The following SFXN5 variants were observed in gnomAD, a reference collection of about 807,000 sequenced individuals.
SFXN5 encodes the protein sideroflexin-5.
In SFXN5, 43 loss-of-function variants were observed where a neutral mutation model predicts 50.2. That is an observed-to-expected ratio of 0.86 (90% CI 0.67 to 1.11). The LOEUF (loss-of-function observed/expected upper bound fraction) is 1.11, where lower values mean the gene tolerates loss of function less well. Ranked by LOEUF, SFXN5 falls within the 50% of genes least tolerant of loss-of-function variation. The pLI is 0.00. For synonymous variants in SFXN5, 203 were observed against 185.8 expected, an observed-to-expected ratio of 1.09 and a Z score of -0.75; for missense variants, 463 against 454.1, an observed-to-expected ratio of 1.02 and a Z score of -0.18.
At chr2:73,004,327 A>G (rs948745059) in intron 6 of SFXN5, among the ~76,000 whole-genome samples, 1 of 148,414 alleles carries the variant, frequency 6.7e-6, no homozygotes, top group African/African-American at 2.4e-5. Flanking sequence ...ACACACACAC[A>G]CACACACACA....
intron 2 of SFXN5, chr2:73,053,251 C>T (rs1440269599): frequency 6.5e-6 from 1 of 154,116 alleles, no homozygotes; most frequent in Non-Finnish European, 1.5e-5. Context: ...ATTTTGCTGA[C>T]AACTTCCCAG....
chr2:72,978,769 G>A (rs750479732), intron 10 of SFXN5, among the ~76,000 whole-genome samples: 18 of 151,986 alleles, frequency 1.2e-4, no homozygotes, highest in Non-Finnish European at 1.6e-4. Context: ...CTAGCCTGGC[G>A]ATTCCCAGCA....
intron 6 of SFXN5, among the ~76,000 whole-genome samples, chr2:73,018,109 G>A (rs964441976): frequency 9.2e-5 from 14 of 152,064 alleles, no homozygotes; most frequent in African/African-American, 3.1e-4. Flanking sequence ...TCGGGAGGCT[G>A]AGGCAAGAGG....
At chr2:73,014,419 A>G (rs576592612) in intron 6 of SFXN5, among the ~76,000 whole-genome samples, 12 of 152,246 alleles carry the variant, frequency 7.9e-5, no homozygotes, top group South Asian at 6.2e-4. Context: ...TTCCACTGAC[A>G]TATTTGCTTA....
rs1216093956 is a variant in SFXN5, at chr2:72,950,266, G to A, written c.946-5167C>T. 6.6e-6 allele frequency among the ~76,000 whole-genome samples: 1 copy of A among 152,158 alleles called. No homozygotes were observed. The highest frequency in any genetic ancestry group is 1.5e-5 in the Non-Finnish European group (1 of 68,032). On this transcript the variant is annotated intron_variant, in intron 13 of 13. Coordinates refer to ENST00000272433, the MANE Select transcript of SFXN5 (RefSeq NM_144579.3). The surrounding 1 kb of genome is among the most constrained non-coding windows in gnomAD (Gnocchi z 4.2). ...ACACTGAGCAGCCATGAGCGTCAGA[G>A]AGAGTTTTCTGAGAGTTGTCCCAGT... is the stretch of plus-strand genomic sequence containing the variant.
rs2105471617 is a variant in SFXN5 at position 72,973,854 on chromosome 2, G to A, written c.626-2169C>T. On this transcript the variant is annotated intron_variant, in intron 10 of 13. Coordinates refer to ENST00000272433, the MANE Select transcript of SFXN5 (RefSeq NM_144579.3). The surrounding 1 kb of genome is among the most constrained non-coding windows in gnomAD (Gnocchi z 5.5). ...GGAGCTGCCAGGCTTTCGGTTCCCA[G>A]GAGACCTAAGAAAACCGTTGAGAGG... 6.6e-6 allele frequency among the ~76,000 whole-genome samples: 1 copy of A among 152,308 alleles called. No homozygotes were observed. The highest frequency in any genetic ancestry group is 1.9e-4 in the East Asian group (1 of 5,184).
intron 3 of SFXN5, among the ~76,000 whole-genome samples, chr2:73,027,840 T>G (rs1677775852): frequency 6.6e-6 from 1 of 151,948 alleles, no homozygotes; most frequent in South Asian, 2.1e-4. Context: ...TTTGTGTGCT[T>G]TTGTAGAAAC....
At chr2:73,055,725 T>C (rs112188539) in intron 2 of SFXN5, among the ~76,000 whole-genome samples, 1 of 151,402 alleles carries the variant, frequency 6.6e-6, no homozygotes, top group African/African-American at 2.4e-5. Flanking sequence ...CACGCCATTC[T>C]CCTGCCTCAG....
chr2:72,961,375 C>T lies in SFXN5; in HGVS notation c.828-127G>A. The T allele has an allele frequency of 3.5e-6, 2 of 567,102 alleles. No homozygotes were observed. Among genetic ancestry groups the T allele is most frequent in the Non-Finnish European group, 6.0e-6 (2 of 333,354 alleles). 35.1% of individuals were successfully genotyped at this position (567,102 alleles called of 1,614,324 possible). ...GTGGTTCCGGGGCAGTGCCAGTGTGCAGCTAAACAGATATAGCAGAGTTCT... is the reference window on the plus strand; with the variant it reads ...GTGGTTCCGGGGCAGTGCCAGTGTGTAGCTAAACAGATATAGCAGAGTTCT... On this transcript the variant is annotated intron_variant, in intron 12 of 13. Transcript: ENST00000272433. The surrounding 1 kb of genome is among the most constrained non-coding windows in gnomAD (Gnocchi z 4.4).
At chr2:73,008,356 C>T (rs554770589) in intron 6 of SFXN5, among the ~76,000 whole-genome samples, 10 of 151,982 alleles carry the variant, frequency 6.6e-5, no homozygotes, top group South Asian at 6.2e-4. Flanking sequence ...TGACATGGAG[C>T]GGGGAGAAGG....
chr2:73,027,673 T>A (rs976997913), intron 3 of SFXN5, among the ~76,000 whole-genome samples: 1 of 152,064 alleles, frequency 6.6e-6, no homozygotes, highest in African/African-American at 2.4e-5. Flanking sequence ...TTTTTTTTTC[T>A]TTTTTTAGAC....
chr2:72,981,965 T>TTGTGTGTGTGTG (rs10582006), intron 10 of SFXN5, among the ~76,000 whole-genome samples: 90 of 145,718 alleles, frequency 6.2e-4, no homozygotes, highest in African/African-American at 2.2e-3. Context: ...CACTGGAACT[T>TTGTGTGTGTGTG]TGTGTGTGTG....
chr2:73,008,262 A>G (rs553723277), intron 6 of SFXN5, among the ~76,000 whole-genome samples: 32 of 152,346 alleles, frequency 2.1e-4, no homozygotes, highest in African/African-American at 7.7e-4. Flanking sequence ...ACCAGACCCA[A>G]TAACTAGGTG....
chr2:72,966,201 C>T (rs146351329), intron 12 of SFXN5, among the ~76,000 whole-genome samples: 100 of 152,290 alleles, frequency 6.6e-4, no homozygotes, highest in Middle Eastern at 3.4e-3. Flanking sequence ...CCATTGTCCC[C>T]GAGGCCTATC....
At chr2:73,056,745 T>C (rs1682189504) in intron 2 of SFXN5, among the ~76,000 whole-genome samples, 1 of 151,544 alleles carries the variant, frequency 6.6e-6, no homozygotes, top group South Asian at 2.1e-4. Context: ...TTAGAATGGC[T>C]GAAATAAAAC....
intron 2 of SFXN5, among the ~76,000 whole-genome samples, chr2:73,051,283 G>C (rs1028116718): frequency 7.2e-5 from 9 of 124,628 alleles, no homozygotes; most frequent in Non-Finnish European, 1.3e-4. Flanking sequence ...TTTTGAGACG[G>C]AGTCTTACTC....
chr2:73,050,005 AGTAAATC>A (rs1681036813), intron 2 of SFXN5: 1 of 149,870 alleles, frequency 6.7e-6, no homozygotes, highest in South Asian at 2.1e-4. Context: ...CCAGGTCCTC[AGTAAATC>A]TAAAATCCAA....
intron 3 of SFXN5, among the ~76,000 whole-genome samples, chr2:73,023,769 C>G (rs963832278): frequency 2.0e-5 from 3 of 152,184 alleles, no homozygotes; most frequent in Non-Finnish European, 4.4e-5. Context: ...AATGTCAGCA[C>G]AATAGCATGT....
intron 10 of SFXN5, among the ~76,000 whole-genome samples, chr2:72,986,652 T>G (rs1426001591): frequency 2.6e-5 from 4 of 152,228 alleles, no homozygotes; most frequent in African/African-American, 9.6e-5. Context: ...TGCACTGCCT[T>G]ACACTGCTCT....
Sources: allele counts gnomAD v4.1 joint callset (sites outside exome capture counted in the v4.1 genomes callset), GRCh38; gene constraint gnomAD v4.1.1; non-coding constraint Gnocchi (gnomAD v3.1); transcripts MANE v1.5; gene names NCBI Gene and HGNC (gene_info 2026-07-23, HGNC 2026-07-21).